MAPK14: variants seen among roughly 807,000 people sequenced by gnomAD.
MAPK14 encodes the protein CSAID-binding protein.
A neutral mutation model predicts 49.6 loss-of-function variants in MAPK14; 16 were observed. The observed-to-expected ratio is 0.32, with a 90% CI of 0.22 to 0.49. MAPK14 has a LOEUF of 0.49. Among genes scored for constraint, MAPK14 ranks in the 20% least tolerant of loss-of-function variants. The pLI is 0.99. For synonymous variants in MAPK14, 142 were observed against 158.0 expected, an observed-to-expected ratio of 0.90 and a Z score of 0.76; for missense variants, 200 against 441.2, an observed-to-expected ratio of 0.45 and a Z score of 4.90.
At chr6:36,059,169 C>T (rs947642470) in intron 2 of MAPK14, 120 bp from the exon 3 acceptor site, 12 of 598,204 alleles carry the variant, frequency 2.0e-5, no homozygotes, top group African/African-American at 1.3e-4. Context: ...GGATTACAGG[C>T]GTGAGCCACT....
intron 9 of MAPK14, 98 bp downstream of exon 9, chr6:36,096,164 A>G (rs1364629264): frequency 8.5e-6 from 7 of 822,490 alleles, no homozygotes; most frequent in African/African-American, 1.7e-5. Flanking sequence ...GTAAGCACAC[A>G]TGCCCTTTGT....
At chr6:36,038,846 T>G (rs1332046710) in intron 1 of MAPK14, among the ~76,000 whole-genome samples, 1 of 152,236 alleles carries the variant, frequency 6.6e-6, no homozygotes, top group Non-Finnish European at 1.5e-5. Flanking sequence ...ATTAGTCTGC[T>G]GGCAGATTGA....
In MAPK14 at chr6:36,050,530, C is replaced by T. The variant is rs188396704; in HGVS notation, c.117-2169C>T. 1.7e-4 allele frequency among the ~76,000 whole-genome samples: 26 copies of T among 152,132 alleles called. No homozygotes were observed. In the East Asian group the frequency reaches 4.6e-3, roughly 27 times the overall value. ...TCAGGAAACAGGATGTTGGGTGTGC[C>T]GTTCACCTGGATGTTGAAGTTGCCA... On this transcript the variant is annotated intron_variant, in intron 1 of 11. Transcript: ENST00000229794.
At chr6:36,064,031 G>A (rs572947184) in intron 3 of MAPK14, among the ~76,000 whole-genome samples, 183 of 151,932 alleles carry the variant, frequency 1.2e-3, no homozygotes, top group Non-Finnish European at 2.4e-3. Flanking sequence ...AGAGCAAGCT[G>A]TAATTCAGTA....
intron 2 of MAPK14, among the ~76,000 whole-genome samples, chr6:36,053,425 T>C (rs1005527474): frequency 6.6e-6 from 1 of 152,090 alleles, no homozygotes; most frequent in Non-Finnish European, 1.5e-5. Flanking sequence ...ACTTTTTCTT[T>C]TTTACCAATT....
chr6:36,054,051 T>C (rs1229808134), intron 2 of MAPK14, among the ~76,000 whole-genome samples: 2 of 151,158 alleles, frequency 1.3e-5, no homozygotes, highest in African/African-American at 4.9e-5. Context: ...ATCAGTGACA[T>C]GTTTACAAGA....
rs181348655 is a variant in MAPK14 at position 36,028,832 on chromosome 6, C to T, written c.116+559C>T. 5.7e-4 allele frequency among the ~76,000 whole-genome samples: 84 copies of T among 147,992 alleles called. 1 individual carries two copies. The highest frequency in any genetic ancestry group is 1.0e-3 in the Admixed American group (15 of 14,900). On this transcript the variant is annotated intron_variant, in intron 1 of 11. Coordinates refer to ENST00000229794, the MANE Select transcript of MAPK14 (RefSeq NM_139012.3). The surrounding 1 kb of genome is among the most constrained non-coding windows in gnomAD (Gnocchi z 5.1). ...TTTTTTCAAAACTCTGTCGAAATCC[C>T]ATCTTGAAAAGCGTTCTTTTTGAAT...
chr6:36,096,795 G>A (rs1431444319), intron 9 of MAPK14: 1 of 152,214 alleles, frequency 6.6e-6, no homozygotes, highest in Non-Finnish European at 1.5e-5. Context: ...CTTCTAAGCA[G>A]GGACTTAGAC....
chr6:36,057,539 A>G (rs1007987779), intron 2 of MAPK14, among the ~76,000 whole-genome samples: 4 of 152,156 alleles, frequency 2.6e-5, no homozygotes, highest in Non-Finnish European at 5.9e-5. Context: ...TCAGACTGTA[A>G]AATTAAAGTT....
chr6:36,120,616 G>A, the MAPK14 span, among the ~76,000 whole-genome samples: 4 of 152,224 alleles, frequency 2.6e-5, no homozygotes, highest in South Asian at 8.3e-4. Context: ...CTGTTTTCGC[G>A]TTTTCACTAA....
At chr6:36,056,914 G>A (rs1056324784) in intron 2 of MAPK14, among the ~76,000 whole-genome samples, 14 of 152,126 alleles carry the variant, frequency 9.2e-5, no homozygotes, top group Non-Finnish European at 1.9e-4. Context: ...TAAGCCAGGA[G>A]TATACCAAAC....
intron 8 of MAPK14, among the ~76,000 whole-genome samples, chr6:36,090,864 CATTTTCTCAGGAA>C (rs1765198862): frequency 6.6e-6 from 1 of 152,194 alleles, no homozygotes; most frequent in Admixed American, 6.5e-5. Flanking sequence ...CTTGAAAATA[CATTTTCTCAGGAA>C]AAGGTAGAAT....
At chr6:36,066,041 TGTGGG>T (rs1286370598) in intron 3 of MAPK14, among the ~76,000 whole-genome samples, 2 of 152,252 alleles carry the variant, frequency 1.3e-5, no homozygotes, top group East Asian at 3.9e-4. Flanking sequence ...TGACAAAACA[TGTGGG>T]TGAGCAGTTC....
At chr6:36,049,470 T>C (rs1166422817) in intron 1 of MAPK14, among the ~76,000 whole-genome samples, 1 of 152,198 alleles carries the variant, frequency 6.6e-6, no homozygotes, top group Non-Finnish European at 1.5e-5. Context: ...TGTATTAGAA[T>C]AACATGGAGA....
At chr6:36,087,896 C>T (rs764248957) in intron 8 of MAPK14, among the ~76,000 whole-genome samples, 6 of 152,140 alleles carry the variant, frequency 3.9e-5, no homozygotes, top group South Asian at 2.1e-4. Flanking sequence ...TACTACGAGG[C>T]TACAGTAATC....
chr6:36,059,185 C>T (rs1182683139), intron 2 of MAPK14, 104 bp from the exon 3 acceptor site: 38 of 700,658 alleles, frequency 5.4e-5, no homozygotes, highest in South Asian at 4.6e-4. Context: ...CCACTGCTCC[C>T]GGCCTAGACC....
chr6:36,072,966 A>G lies in MAPK14; in HGVS notation c.399A>G (p.Gln133=), dbSNP rs200498429. ...ACCATGTTCAGTTCCTTATCTACCA[A>G]ATTCTCCGAGGTCTAAAGGTACAGA... The part of the protein sequence containing the change: ...TDDHVQFLIY[Q]ILRGLKYIHS... The change falls in exon 4 of 12, where the codon CAA becomes CAG. Residue 133 remains glutamine (Q), a synonymous_variant. Transcript: ENST00000229794. 33 of 1,607,368 alleles carry G rather than the reference A, an allele frequency of 2.1e-5. No individual in the cohort carries two copies. The highest frequency in any genetic ancestry group is 2.7e-5 in the Non-Finnish European group (32 of 1,174,196).
intron 8 of MAPK14, among the ~76,000 whole-genome samples, chr6:36,086,599 C>T (rs985878741): frequency 1.3e-5 from 2 of 152,060 alleles, no homozygotes; most frequent in African/African-American, 4.8e-5. Context: ...AAGACTGAAC[C>T]AGGAAAACGT....
Position 36,102,602 on chromosome 6 carries a change from T to C in MAPK14, c.794T>C (p.Met265Thr). Residue 265 changes from methionine to threonine, a missense_variant, in exon 10 of 12, where the codon ATG (methionine) becomes ACG (threonine). This residue lies in a region of MAPK14 where 170 missense variants were observed against 407.0 expected (regional missense o/e 0.42). Coordinates refer to ENST00000229794, the MANE Select transcript of MAPK14 (RefSeq NM_139012.3). ...AACTATATTCAGTCTTTGACTCAGA[T>C]GCCGAAGATGAACTTTGCGAATGTA... is the stretch of plus-strand genomic sequence containing the variant. ...ARNYIQSLTQ[M>T]PKMNFANVFI... 1 of 1,614,036 alleles carries C rather than the reference T, an allele frequency of 6.2e-7. No individual in the cohort carries two copies. Among genetic ancestry groups the C allele is most frequent in the Non-Finnish European group, 8.5e-7 (1 of 1,179,954 alleles).
Sources: gnomAD v4.1 joint callset for allele counts (sites outside exome capture counted in the v4.1 genomes callset) on GRCh38, gnomAD v4.1.1 for gene constraint, gnomAD v4.1.1 regional missense constraint, Gnocchi (gnomAD v3.1) non-coding constraint, MANE v1.5 for transcripts, NCBI Gene and HGNC (gene_info 2026-07-23, HGNC 2026-07-21) for gene names.